Variants in SELENOI observed in about 807,000 individuals in gnomAD.
SELENOI encodes the protein selenoprotein I.
A neutral mutation model predicts 50.7 loss-of-function variants in SELENOI; 24 were observed. The observed-to-expected ratio is 0.47, with a 90% confidence interval of 0.34 to 0.67. The LOEUF (loss-of-function observed/expected upper bound fraction) is 0.67. Ranked by LOEUF, SELENOI falls within the 30% of genes least tolerant of loss-of-function variation. SELENOI has a pLI of 0.01. For synonymous variants in SELENOI, 155 were observed against 170.2 expected (o/e 0.91, Z 0.70); for missense variants, 352 against 461.4 (o/e 0.76, Z 2.17).
intron 1 of SELENOI, among the ~76,000 whole-genome samples, chr2:26,347,276 C>T (rs149711935): frequency 6.6e-6 from 1 of 152,260 alleles, no homozygotes; most frequent in African/African-American, 2.4e-5. Context: ...GCTGCTTTAG[C>T]GTGTCTCGCC....
intron 1 of SELENOI, among the ~76,000 whole-genome samples, chr2:26,351,669 G>T (rs977826109): frequency 6.6e-6 from 1 of 152,166 alleles, no homozygotes; most frequent in Non-Finnish European, 1.5e-5. Flanking sequence ...ACTGGAGAGG[G>T]AGGTGGGGTG....
At chr2:26,373,011 C>A (rs551147205) in intron 4 of SELENOI, among the ~76,000 whole-genome samples, 84 of 152,298 alleles carry the variant, frequency 5.5e-4, no homozygotes, top group African/African-American at 1.9e-3. Flanking sequence ...ACCTCAGCCT[C>A]CTGAGTAGCA....
intron 4 of SELENOI, among the ~76,000 whole-genome samples, chr2:26,367,449 C>T (rs1677310673): frequency 6.6e-6 from 1 of 152,124 alleles, no homozygotes; most frequent in Non-Finnish European, 1.5e-5. Flanking sequence ...ACTTGTGGGC[C>T]AAATTTGGTG....
At position 26,389,340 on chromosome 2, in the gene SELENOI, A is replaced by T; in HGVS notation, c.*237A>T. ...GGTTGAGCAGAATGTACGTTAGACC[A>T]GCAAAATGTTCCTAATGGTTCTAAC... On this transcript the variant is annotated 3_prime_UTR_variant, in exon 10 of 10. Transcript: ENST00000260585. The T allele has an allele frequency of 2.5e-6, 1 of 403,196 alleles. No homozygotes were observed. 25.0% of individuals were successfully genotyped at this position (403,196 alleles called of 1,614,324 possible).
chr2:26,346,820 G>T (rs923777804), intron 1 of SELENOI: 8 of 153,022 alleles, frequency 5.2e-5, no homozygotes, highest in African/African-American at 1.7e-4. Context: ...AAAGGGAGGT[G>T]CACAGGAAGG....
At position 26,391,273 on chromosome 2, in the gene SELENOI, G is replaced by A. The variant is rs1464686916; in HGVS notation, c.*2170G>A. On this transcript the variant is annotated 3_prime_UTR_variant, in exon 10 of 10. Transcript: ENST00000260585. ...GAAAGAAAAGTAGCTGTCAACAAGG[G>A]GAAAGTGAAATTGAGCAATTCACTG... 6.6e-6 allele frequency: 1 copy of A among 152,152 alleles called. No individual in the cohort carries two copies. Among genetic ancestry groups the A allele is most frequent in the African/African-American group, 2.4e-5 (1 of 41,444 alleles). 9.4% of individuals were successfully genotyped at this position (152,152 alleles called of 1,614,324 possible).
chr2:26,348,417 TGA>T (rs1257740626), intron 1 of SELENOI, among the ~76,000 whole-genome samples: 2 of 152,236 alleles, frequency 1.3e-5, no homozygotes, highest in Non-Finnish European at 2.9e-5. Context: ...GAGGTATATC[TGA>T]GAGCTACAGT....
Position 26,375,602 on chromosome 2 carries a change from A to G in SELENOI, c.682+454A>G, listed in dbSNP as rs538858759. On this transcript the variant is annotated intron_variant, in intron 6 of 9. Coordinates refer to ENST00000260585, the MANE Select transcript of SELENOI (RefSeq NM_033505.4). ...CTCTTTCTTAACCCACTGATTGCTA[A>G]AGATTTTTTATGGTGGTAATCTTTC... 2.0e-5 allele frequency among the ~76,000 whole-genome samples: 3 copies of G among 152,304 alleles called. No homozygotes were observed. In the East Asian group the frequency reaches 5.8e-4, roughly 29 times the overall value.
At chr2:26,385,959 T>C (rs1677833758) in intron 8 of SELENOI, among the ~76,000 whole-genome samples, 1 of 152,206 alleles carries the variant, frequency 6.6e-6, no homozygotes, top group Non-Finnish European at 1.5e-5. Context: ...GAATTGGAGA[T>C]AGCACTTCTT....
intron 1 of SELENOI, among the ~76,000 whole-genome samples, chr2:26,356,160 A>C (rs1195339528): frequency 6.6e-6 from 1 of 152,034 alleles, no homozygotes. Flanking sequence ...AAGTTTAGCG[A>C]TGTTTTGTTT....
At chr2:26,378,166 C>T (rs1374428523) in intron 6 of SELENOI, among the ~76,000 whole-genome samples, 3 of 152,238 alleles carry the variant, frequency 2.0e-5, no homozygotes, top group East Asian at 1.9e-4. Flanking sequence ...TGGCGCTCAC[C>T]TCTCTATGAT....
At chr2:26,382,130 A>G (rs1677718908) in intron 6 of SELENOI, among the ~76,000 whole-genome samples, 1 of 152,242 alleles carries the variant, frequency 6.6e-6, no homozygotes, top group Non-Finnish European at 1.5e-5. Flanking sequence ...CCATTGTACA[A>G]CTGGAATCTG....
At chr2:26,366,216 A>G (rs539373891) in intron 3 of SELENOI, among the ~76,000 whole-genome samples, 1 of 152,346 alleles carries the variant, frequency 6.6e-6, no homozygotes, top group Non-Finnish European at 1.5e-5. Context: ...GAAGTTGGAA[A>G]TGCCAACTCT....
At position 26,364,296 on chromosome 2, in the gene SELENOI, T is replaced by C. The variant is rs746921160; in HGVS notation, c.58-6T>C. 111 of 1,543,332 alleles carry C rather than the reference T, an allele frequency of 7.2e-5. No individual in the cohort carries two copies. The African/African-American group carries it at 1.4e-3, about 19-fold the overall frequency. ...ACTCTGAATATTTTCTTTCATTTCT[T>C]AACAGTACAGTGCTGTGGATACCAA... On this transcript the variant is annotated splice_region_variant and splice_polypyrimidine_tract_variant and intron_variant, in intron 1 of 9. Coordinates refer to ENST00000260585, the MANE Select transcript of SELENOI (RefSeq NM_033505.4).
chr2:26,392,355 A>G lies in SELENOI; in HGVS notation c.*3252A>G, dbSNP rs1334464327. The G allele has an allele frequency of 1.3e-5, 2 of 152,244 alleles. No homozygotes were observed. Among genetic ancestry groups the G allele is most frequent in the African/African-American group, 4.8e-5 (2 of 41,476 alleles). 9.4% of individuals were successfully genotyped at this position (152,244 alleles called of 1,614,324 possible). A position where few individuals can be genotyped will look rare whatever the true frequency, so the allele number is the denominator to read the frequency against. On this transcript the variant is annotated 3_prime_UTR_variant, in exon 10 of 10. Coordinates refer to ENST00000260585, the MANE Select transcript of SELENOI (RefSeq NM_033505.4). ...AACTGGTTTATTTTATAGTCAGTCAAAATGCATTTGGAATGTACCTTGCTT... is the reference window on the plus strand; with the variant it reads ...AACTGGTTTATTTTATAGTCAGTCAGAATGCATTTGGAATGTACCTTGCTT...
At chr2:26,346,392 C>T in intron 1 of SELENOI, 103 bp downstream of exon 1, 1 of 1,361,036 alleles carries the variant, frequency 7.3e-7, no homozygotes, top group Non-Finnish European at 9.6e-7. Flanking sequence ...CGCGTGGCTC[C>T]GGGCGGGCTG....
At chr2:26,379,567 G>A (rs1677641018) in intron 6 of SELENOI, among the ~76,000 whole-genome samples, 1 of 151,902 alleles carries the variant, frequency 6.6e-6, no homozygotes, top group South Asian at 2.1e-4. Flanking sequence ...CATGTAGCGG[G>A]TTCAGGTTTT....
chr2:26,349,932 C>CAAAAAAA (rs70950184), intron 1 of SELENOI, among the ~76,000 whole-genome samples: 2 of 55,286 alleles, frequency 3.6e-5, no homozygotes, highest in African/African-American at 8.3e-5. Context: ...CTCATCTCCA[C>CAAAAAAA]AAAAAAAAAA....
intron 1 of SELENOI, among the ~76,000 whole-genome samples, chr2:26,354,675 G>A (rs537624859): frequency 3.9e-5 from 6 of 152,054 alleles, no homozygotes; most frequent in Non-Finnish European, 7.3e-5. Context: ...ACAGATGTGA[G>A]CCACCGCGCC....
Sources: gnomAD v4.1 joint callset for allele counts (sites outside exome capture counted in the v4.1 genomes callset) on GRCh38, gnomAD v4.1.1 for gene constraint, MANE v1.5 for transcripts, NCBI Gene and HGNC (gene_info 2026-07-23, HGNC 2026-07-21) for gene names.